Variants in XPOT observed in about 807,000 individuals in gnomAD.
The protein encoded by XPOT is exportin for tRNA.
Under a neutral mutation model 128.2 loss-of-function variants are expected in XPOT, and 34 were observed. That is an observed-to-expected ratio of 0.27 (90% CI 0.20 to 0.35). The LOEUF is 0.35. Ranked by LOEUF, XPOT falls within the 10% of genes least tolerant of loss-of-function variation. The pLI, the probability that XPOT is intolerant of heterozygous loss-of-function variation, is 1.00. For missense variants in XPOT, 838 were observed against 1,125.3 expected, an observed-to-expected ratio of 0.74 and a Z score of 3.65; for synonymous variants, 348 against 394.3, an observed-to-expected ratio of 0.88 and a Z score of 1.39.
intron 22 of XPOT, 94 bp downstream of exon 22, chr12:64,435,768 T>C (rs952921005): frequency 1.5e-6 from 2 of 1,292,200 alleles, no homozygotes; most frequent in Non-Finnish European, 2.1e-6. Context: ...AATTTAACTT[T>C]TGTTTTGACT....
intron 22 of XPOT, 113 bp from the exon 23 acceptor site, chr12:64,439,131 G>T: frequency 1.0e-6 from 1 of 995,584 alleles, no homozygotes. Flanking sequence ...TCGGGTCTGT[G>T]TTCTTAAGCA....
In XPOT at chr12:64,414,951, G is replaced by C. The variant is rs370935460; in HGVS notation, c.105G>C (p.Trp35Cys). 1.2e-6 allele frequency: 2 copies of C among 1,613,534 alleles called. No homozygotes were observed. Among genetic ancestry groups the C allele is most frequent in the African/African-American group, 2.7e-5 (2 of 74,904 alleles). Residue 35 changes from tryptophan to cysteine, a missense_variant, in exon 3 of 25, where the codon TGG becomes TGC. Trp to Cys is a radical substitution (Grantham distance 215). Coordinates refer to ENST00000332707, the MANE Select transcript of XPOT (RefSeq NM_007235.6). ...AGTTAAAAATTTCCCCAGATGCCTG[G>C]CAGGTGTGTGCAGAAGCTCTAGCCC... Reference protein sequence around the residue: ...FEQLKISPDAWQVCAEALAQR... With the variant: ...FEQLKISPDACQVCAEALAQR...
intron 2 of XPOT, 113 bp downstream of exon 2, chr12:64,410,208 C>A: frequency 4.5e-6 from 4 of 893,694 alleles, no homozygotes; most frequent in African/African-American, 1.7e-5. Flanking sequence ...TGAACAGAAA[C>A]AAAAAAATTT....
intron 11 of XPOT, 92 bp downstream of exon 11, chr12:64,423,336 T>G: frequency 1.2e-6 from 1 of 850,376 alleles, no homozygotes; most frequent in Non-Finnish European, 1.8e-6. Flanking sequence ...CGGGGCCCTT[T>G]AAAACATGAA....
chr12:64,425,491 G>C (rs1565799150), intron 14 of XPOT, 34 bp downstream of exon 14: 1 of 1,608,284 alleles, frequency 6.2e-7, no homozygotes, highest in African/African-American at 1.3e-5. Context: ...CTTTCCATGG[G>C]TTTCAGCTAA....
chr12:64,445,826 A>G (rs1175192208), intron 24 of XPOT, among the ~76,000 whole-genome samples: 1 of 152,194 alleles, frequency 6.6e-6, no homozygotes, highest in Non-Finnish European at 1.5e-5. Context: ...TCTTCACTCA[A>G]ATAATTTGAA....
chr12:64,409,092 A>AT (rs1409152913), intron 1 of XPOT, among the ~76,000 whole-genome samples: 1 of 152,184 alleles, frequency 6.6e-6, no homozygotes, highest in Non-Finnish European at 1.5e-5. Flanking sequence ...CAAAAGCTAA[A>AT]TGACTGGTTT....
At chr12:64,438,722 G>A (rs1260052655) in intron 22 of XPOT, among the ~76,000 whole-genome samples, 4 of 151,760 alleles carry the variant, frequency 2.6e-5, no homozygotes, top group Non-Finnish European at 4.4e-5. Flanking sequence ...GCGCCTGCCA[G>A]TTTCAAGTGA....
intron 24 of XPOT, among the ~76,000 whole-genome samples, chr12:64,447,167 C>G (rs112960003): frequency 0.011 from 1,602 of 152,292 alleles, 16 homozygotes; most frequent in Middle Eastern, 0.034. Flanking sequence ...CCCCATGATT[C>G]AATCATCTCC....
intron 24 of XPOT, 84 bp from the exon 25 acceptor site, chr12:64,448,021 G>C: frequency 8.3e-7 from 1 of 1,199,156 alleles, no homozygotes; most frequent in South Asian, 1.2e-5. Flanking sequence ...AACATTGCTA[G>C]CACTCAGATA....
At chr12:64,412,263 G>C (rs1356281769) in intron 2 of XPOT, among the ~76,000 whole-genome samples, 1 of 151,984 alleles carries the variant, frequency 6.6e-6, no homozygotes, top group Non-Finnish European at 1.5e-5. Flanking sequence ...TTGACCTTGT[G>C]ATCTCCCTGC....
rs1298899133 is a variant in XPOT, at chr12:64,425,620, G to T, written c.1572+163G>T. Reference sequence around the variant, plus strand: ...CTCCTCCATTTCTTTTAAATGGATAGTTTGTGCCCAATTAGTCAACTAAAA... The same window carrying T: ...CTCCTCCATTTCTTTTAAATGGATATTTTGTGCCCAATTAGTCAACTAAAA... On this transcript the variant is annotated intron_variant, in intron 14 of 24. Coordinates refer to ENST00000332707, the MANE Select transcript of XPOT (RefSeq NM_007235.6). 2.9e-6 allele frequency: 3 copies of T among 1,031,198 alleles called. No homozygotes were observed. In the African/African-American group the frequency reaches 4.8e-5, roughly 17 times the overall value. 63.9% of individuals were successfully genotyped at this position (1,031,198 alleles called of 1,614,324 possible).
chr12:64,431,045 A>T (rs1201048540), intron 17 of XPOT, among the ~76,000 whole-genome samples: 1 of 152,104 alleles, frequency 6.6e-6, no homozygotes, highest in Non-Finnish European at 1.5e-5. Flanking sequence ...CCCAGGCTCA[A>T]GCAATTCTTG....
At chr12:64,412,184 G>A (rs866076386) in intron 2 of XPOT, among the ~76,000 whole-genome samples, 4 of 151,700 alleles carry the variant, frequency 2.6e-5, no homozygotes, top group East Asian at 1.9e-4. Context: ...ACACCACCAC[G>A]CCTAGCTAAT....
chr12:64,432,194 T>G (rs1395744126), intron 18 of XPOT, among the ~76,000 whole-genome samples: 3 of 152,194 alleles, frequency 2.0e-5, no homozygotes, highest in Non-Finnish European at 4.4e-5. Flanking sequence ...GTAGGACATT[T>G]AAGCTGGCTA....
intron 24 of XPOT, among the ~76,000 whole-genome samples, chr12:64,445,956 T>C (rs990693810): frequency 6.6e-6 from 1 of 152,248 alleles, no homozygotes; most frequent in Non-Finnish European, 1.5e-5. Flanking sequence ...AATTTAAGTG[T>C]GCCATCCTTT....
Position 64,419,042 on chromosome 12 carries a change from T to G in XPOT, c.437T>G (p.Leu146Arg). 1 of 1,614,166 alleles carries G rather than the reference T, an allele frequency of 6.2e-7. No homozygotes were observed. Among genetic ancestry groups the G allele is most frequent in the Non-Finnish European group, 8.5e-7 (1 of 1,180,038 alleles). ...PRGVDLYLRI[L>R]MAIDSELVDR... ...GGAGTAGATCTCTACCTGCGAATCC[T>G]CATGGCTATTGATTCAGAGTTGGTG... is the stretch of plus-strand genomic sequence containing the variant. Residue 146 changes from leucine to arginine, a missense_variant, in exon 6 of 25, where the codon CTC becomes CGC. Leu to Arg is a moderately radical substitution (Grantham distance 102). Around this residue, in one of 3 missense-constraint regions of XPOT, gnomAD observed 761 missense variants for 988.3 expected, o/e 0.77. Coordinates refer to ENST00000332707, the MANE Select transcript of XPOT (RefSeq NM_007235.6).
rs571110160 is a variant in XPOT, at chr12:64,435,029, T to C, written c.2685+120T>C. On this transcript the variant is annotated intron_variant, in intron 21 of 24. Transcript: ENST00000332707. The stretch of plus-strand genomic sequence containing the variant: ...TTTTTTTTAACTTAGTGATTTCAGA[T>C]CAGGGTTCTTTTTTTAAAGATTTAT... 8 of 814,182 alleles carry C rather than the reference T, an allele frequency of 9.8e-6. No individual in the cohort carries two copies. In the East Asian group the frequency reaches 2.2e-4, roughly 22 times the overall value. 50.4% of individuals were successfully genotyped at this position (814,182 alleles called of 1,614,324 possible).
chr12:64,429,638 A>G (rs1309419788), intron 16 of XPOT, among the ~76,000 whole-genome samples: 1 of 152,064 alleles, frequency 6.6e-6, no homozygotes, highest in Non-Finnish European at 1.5e-5. Context: ...ACAGGGTTTC[A>G]CCACGTTGAC....
Sources: gnomAD v4.1 joint callset for allele counts (sites outside exome capture counted in the v4.1 genomes callset) on GRCh38, gnomAD v4.1.1 for gene constraint, gnomAD v4.1.1 regional missense constraint, MANE v1.5 for transcripts, NCBI Gene and HGNC (gene_info 2026-07-23, HGNC 2026-07-21) for gene names.